The following EBF2 variants were observed in gnomAD, a reference collection of about 807,000 sequenced individuals.
EBF2 encodes EBF transcription factor 2, also known as transcription factor COE2.
EBF2 carries 21 observed loss-of-function variants against 72.8 expected under a neutral mutation model. The observed-to-expected ratio is 0.29, with a 90% CI of 0.20 to 0.42. The LOEUF (loss-of-function observed/expected upper bound fraction) is 0.42, where lower values mean the gene tolerates loss of function less well. Ranked by LOEUF, EBF2 falls within the 10% of genes least tolerant of loss-of-function variation. The pLI, the probability that EBF2 is intolerant of heterozygous loss-of-function variation, is 1.00. For missense variants in EBF2, 637 were observed against 731.2 expected, an observed-to-expected ratio of 0.87 and a Z score of 1.49; for synonymous variants, 299 against 274.2, an observed-to-expected ratio of 1.09 and a Z score of -0.89.
intron 6 of EBF2, among the ~76,000 whole-genome samples, chr8:26,001,637 C>T (rs1429306897): frequency 6.6e-6 from 1 of 152,040 alleles, no homozygotes; most frequent in Non-Finnish European, 1.5e-5. Context: ...GCAACCTCCA[C>T]CTCCGAGTTC....
At chr8:25,864,189 C>T (rs186128557) in intron 10 of EBF2, among the ~76,000 whole-genome samples, 60 of 152,218 alleles carry the variant, frequency 3.9e-4, no homozygotes, top group Non-Finnish European at 6.9e-4. Flanking sequence ...TTCAGACATA[C>T]GGTCAAATCA....
At chr8:25,854,801 G>C (rs1802051815) in intron 14 of EBF2, among the ~76,000 whole-genome samples, 1 of 152,042 alleles carries the variant, frequency 6.6e-6, no homozygotes, top group Non-Finnish European at 1.5e-5. Context: ...TTACAATAGA[G>C]AATGTCTTAG....
At chr8:25,969,922 G>A (rs1161981752) in intron 6 of EBF2, among the ~76,000 whole-genome samples, 1 of 152,200 alleles carries the variant, frequency 6.6e-6, no homozygotes, top group Non-Finnish European at 1.5e-5. Context: ...CGATGTGTAA[G>A]GCAGGCTTAG....
At chr8:25,936,688 CGTT>C (rs1169819273) in intron 6 of EBF2, among the ~76,000 whole-genome samples, 3 of 152,164 alleles carry the variant, frequency 2.0e-5, no homozygotes, top group Admixed American at 6.5e-5. Context: ...AAGAGGGTTT[CGTT>C]GTTGTTGTTG....
At chr8:25,867,447 C>A (rs889901999) in intron 10 of EBF2, among the ~76,000 whole-genome samples, 8 of 152,190 alleles carry the variant, frequency 5.3e-5, no homozygotes, top group Non-Finnish European at 1.2e-4. Flanking sequence ...ATATTCTCCA[C>A]TTCTAGAAAC....
intron 6 of EBF2, among the ~76,000 whole-genome samples, chr8:26,009,107 G>GAAAAAAA (rs66503039): frequency 2.4e-5 from 2 of 85,028 alleles, no homozygotes; most frequent in African/African-American, 5.0e-5. Context: ...GAGTAAAAGC[G>GAAAAAAA]AAAAAAAAAA....
intron 10 of EBF2, among the ~76,000 whole-genome samples, chr8:25,883,587 C>A (rs1802638416): frequency 1.3e-5 from 2 of 152,088 alleles, no homozygotes; most frequent in Admixed American, 1.3e-4. Flanking sequence ...TTGACCTAGG[C>A]ACTGATAATT....
Position 25,862,537 on chromosome 8 carries a change from A to C in EBF2, c.1098+172T>G, listed in dbSNP as rs147895422. Among the ~76,000 whole-genome samples the C allele has an allele frequency of 1.8e-3, 270 of 152,230 alleles. 6 individuals are homozygous for C. Among genetic ancestry groups the C allele is most frequent in the Admixed American group, 0.013 (193 of 15,296 alleles). The stretch of plus-strand genomic sequence containing the variant: ...GTTCATATTTCCTCAGAGATTAATA[A>C]ATAAGACCATAATATATTTCATAGC... On this transcript the variant is annotated intron_variant, in intron 11 of 15. Coordinates refer to ENST00000520164, the MANE Select transcript of EBF2 (RefSeq NM_022659.4).
intron 6 of EBF2, among the ~76,000 whole-genome samples, chr8:25,992,901 CAAA>C (rs34274233): frequency 6.9e-6 from 1 of 144,524 alleles, no homozygotes; most frequent in African/African-American, 2.5e-5. Context: ...GGCCTTGTCT[CAAA>C]AAAAAAAAAA....
chr8:25,961,828 G>A (rs1475669441), intron 6 of EBF2, among the ~76,000 whole-genome samples: 1 of 152,152 alleles, frequency 6.6e-6, no homozygotes, highest in Non-Finnish European at 1.5e-5. Context: ...CCAAATAGAG[G>A]TATCTATTCC....
intron 10 of EBF2, among the ~76,000 whole-genome samples, chr8:25,870,869 G>T (rs576556511): frequency 6.6e-6 from 1 of 151,980 alleles, no homozygotes; most frequent in African/African-American, 2.4e-5. Flanking sequence ...GATACATCTC[G>T]TGTGCATCCA....
intron 2 of EBF2, 29 bp downstream of exon 2, chr8:26,042,066 G>A (rs376322199): frequency 2.3e-4 from 368 of 1,606,378 alleles, no homozygotes; most frequent in Non-Finnish European, 3.0e-4. Context: ...TTATTAGGCC[G>A]CGGGGTTTGG....
chr8:25,934,640 G>A (rs1803542916), intron 6 of EBF2, among the ~76,000 whole-genome samples: 1 of 152,136 alleles, frequency 6.6e-6, no homozygotes, highest in Admixed American at 6.5e-5. Flanking sequence ...GTCTCTGCAT[G>A]CTCAACCAAA....
At chr8:26,031,235 C>T (rs1308188884) in intron 6 of EBF2, among the ~76,000 whole-genome samples, 2 of 151,984 alleles carry the variant, frequency 1.3e-5, no homozygotes, top group Non-Finnish European at 2.9e-5. Flanking sequence ...ATCCACAGGC[C>T]GGAAAGGACA....
chr8:25,881,832 G>A (rs1416525413), intron 10 of EBF2, among the ~76,000 whole-genome samples: 2 of 152,152 alleles, frequency 1.3e-5, no homozygotes, highest in African/African-American at 2.4e-5. Flanking sequence ...GGAACGCACC[G>A]ACAGGCACCG....
intron 6 of EBF2, among the ~76,000 whole-genome samples, chr8:26,009,727 C>A (rs748454295): frequency 1.3e-5 from 2 of 152,136 alleles, no homozygotes; most frequent in Non-Finnish European, 2.9e-5. Context: ...ATGTTTAAAG[C>A]AGAAGAGCTG....
At chr8:26,005,430 T>TA (rs1312240854) in intron 6 of EBF2, among the ~76,000 whole-genome samples, 9 of 49,104 alleles carry the variant, frequency 1.8e-4, no homozygotes, top group East Asian at 6.1e-4. Context: ...ATATATATTA[T>TA]ATATATTATA....
intron 7 of EBF2, among the ~76,000 whole-genome samples, chr8:25,906,474 C>T (rs1803033970): frequency 6.6e-6 from 1 of 152,072 alleles, no homozygotes; most frequent in Non-Finnish European, 1.5e-5. Context: ...TTTCTTCATA[C>T]AAGAAAGTAG....
intron 6 of EBF2, among the ~76,000 whole-genome samples, chr8:25,971,554 A>G (rs1804190268): frequency 6.6e-6 from 1 of 152,140 alleles, no homozygotes; most frequent in Non-Finnish European, 1.5e-5. Context: ...GCCCAGAAGG[A>G]GTCGTTTACA....
Sources: gnomAD v4.1 joint callset for allele counts (sites outside exome capture counted in the v4.1 genomes callset) on GRCh38, gnomAD v4.1.1 for gene constraint, MANE v1.5 for transcripts, NCBI Gene and HGNC (gene_info 2026-07-23, HGNC 2026-07-21) for gene names.